The following ARHGAP15 variants were observed in gnomAD, a reference collection of about 807,000 sequenced individuals.
ARHGAP15 encodes the protein rho GTPase-activating protein 15.
In ARHGAP15, 51 loss-of-function variants were observed where a neutral mutation model predicts 63.7. That is an observed-to-expected ratio of 0.80 (90% CI 0.64 to 1.01). The LOEUF is 1.01. Ranked by LOEUF, ARHGAP15 falls within the 50% of genes least tolerant of loss-of-function variation. ARHGAP15 has a pLI of 0.00. For missense variants in ARHGAP15, 560 were observed against 564.6 expected (o/e 0.99, Z 0.08); for synonymous variants, 191 against 193.8 (o/e 0.99, Z 0.12).
chr2:143,745,365 C>T (rs888978447), intron 13 of ARHGAP15, among the ~76,000 whole-genome samples: 1 of 152,238 alleles, frequency 6.6e-6, no homozygotes, highest in African/African-American at 2.4e-5. Flanking sequence ...CAGCCACCAT[C>T]AGCCAGGTGA....
At chr2:143,711,433 A>G (rs530563482) in intron 13 of ARHGAP15, among the ~76,000 whole-genome samples, 2 of 152,354 alleles carry the variant, frequency 1.3e-5, no homozygotes, top group South Asian at 4.1e-4. Flanking sequence ...TTGGCAGACA[A>G]CAGACCTACT....
At chr2:143,305,419 C>G (rs948541058) in intron 6 of ARHGAP15, 1 of 152,000 alleles carries the variant, frequency 6.6e-6, no homozygotes, top group Non-Finnish European at 1.5e-5. Context: ...ACGTGTGTAG[C>G]TATGTAACAA....
At chr2:143,758,013 TCAC>T (rs1686638144) in intron 13 of ARHGAP15, among the ~76,000 whole-genome samples, 1 of 152,070 alleles carries the variant, frequency 6.6e-6, no homozygotes, top group South Asian at 2.1e-4. Flanking sequence ...TGCAAGGATT[TCAC>T]TGTAGCATTG....
chr2:143,492,665 G>A (rs761730354), intron 9 of ARHGAP15, among the ~76,000 whole-genome samples: 14 of 152,144 alleles, frequency 9.2e-5, no homozygotes, highest in Non-Finnish European at 1.8e-4. Flanking sequence ...AGGAGACTGA[G>A]ATGGAAGGAT....
At chr2:143,281,671 A>G (rs898511961) in intron 6 of ARHGAP15, among the ~76,000 whole-genome samples, 6 of 152,276 alleles carry the variant, frequency 3.9e-5, no homozygotes, top group African/African-American at 1.4e-4. Flanking sequence ...ATGATGTTTC[A>G]TTATGGTAAT....
intron 2 of ARHGAP15, among the ~76,000 whole-genome samples, chr2:143,167,674 C>CTTTTCCTCATCAAAAA (rs1251193704): frequency 1.3e-5 from 2 of 152,042 alleles, no homozygotes; most frequent in African/African-American, 2.4e-5. Flanking sequence ...GCTTCAGAGG[C>CTTTTCCTCATCAAAAA]CTGTTTCAGA....
chr2:143,170,183 C>T (rs6756152), intron 2 of ARHGAP15, among the ~76,000 whole-genome samples: 50,694 of 151,718 alleles, frequency 0.33, 8,656 homozygotes, highest in South Asian at 0.47. Context: ...TGATTGATTG[C>T]AGCTTCTGAT....
At chr2:143,227,674 A>G (rs1189996559) in intron 4 of ARHGAP15, among the ~76,000 whole-genome samples, 4 of 152,138 alleles carry the variant, frequency 2.6e-5, no homozygotes, top group Non-Finnish European at 5.9e-5. Flanking sequence ...TTCGCACATC[A>G]GTATTCTTCT....
chr2:143,631,610 T>TA (rs1699075384), intron 12 of ARHGAP15, among the ~76,000 whole-genome samples: 1 of 152,132 alleles, frequency 6.6e-6, no homozygotes, highest in Non-Finnish European at 1.5e-5. Context: ...GCCATTCCAT[T>TA]ATTTTCTGCA....
intron 6 of ARHGAP15, among the ~76,000 whole-genome samples, chr2:143,431,335 G>A (rs1229864179): frequency 6.6e-6 from 1 of 151,970 alleles, no homozygotes; most frequent in Non-Finnish European, 1.5e-5. Flanking sequence ...TGATAGAATG[G>A]CATTCTCATT....
intron 1 of ARHGAP15, among the ~76,000 whole-genome samples, chr2:143,153,837 T>TCC (rs1558779549): frequency 0.018 from 1,285 of 72,014 alleles, 79 homozygotes; most frequent in East Asian, 0.054. Context: ...CTTCTTCTTC[T>TCC]TCTTCTTCCT....
intron 9 of ARHGAP15, among the ~76,000 whole-genome samples, chr2:143,498,947 T>C (rs1436165178): frequency 6.6e-6 from 1 of 152,190 alleles, no homozygotes; most frequent in African/African-American, 2.4e-5. Flanking sequence ...AAGGCAGCCA[T>C]TTAAGACACT....
intron 4 of ARHGAP15, among the ~76,000 whole-genome samples, chr2:143,225,843 A>G (rs1693192146): frequency 6.6e-6 from 1 of 152,216 alleles, no homozygotes; most frequent in Admixed American, 6.5e-5. Context: ...TAGGTATTCT[A>G]AATAATTTAT....
At chr2:143,635,659 A>G (rs1225396981) in intron 12 of ARHGAP15, among the ~76,000 whole-genome samples, 1 of 152,114 alleles carries the variant, frequency 6.6e-6, no homozygotes, top group Non-Finnish European at 1.5e-5. Flanking sequence ...GAATATCCAC[A>G]CTGAGAATTG....
chr2:143,294,660 T>C (rs1051492730), intron 6 of ARHGAP15, among the ~76,000 whole-genome samples: 1 of 152,014 alleles, frequency 6.6e-6, no homozygotes, highest in Non-Finnish European at 1.5e-5. Flanking sequence ...TATTTCTTAC[T>C]AGGAAGTGTA....
At chr2:143,332,283 C>T (rs1022477587) in intron 6 of ARHGAP15, among the ~76,000 whole-genome samples, 4 of 151,822 alleles carry the variant, frequency 2.6e-5, no homozygotes, top group African/African-American at 9.7e-5. Context: ...CCACTAAAGG[C>T]AGCCTGAAAT....
At chr2:143,283,417 T>G (rs368827082) in intron 6 of ARHGAP15, among the ~76,000 whole-genome samples, 72 of 152,214 alleles carry the variant, frequency 4.7e-4, no homozygotes, top group African/African-American at 1.3e-3. Context: ...AGACAAAAAT[T>G]TAGTTTTGGA....
At chr2:143,396,570 T>G (rs1384364300) in intron 6 of ARHGAP15, among the ~76,000 whole-genome samples, 1 of 151,964 alleles carries the variant, frequency 6.6e-6, no homozygotes, top group Non-Finnish European at 1.5e-5. Flanking sequence ...GTGTGTGTTT[T>G]TTAAGTACGC....
At chr2:143,570,916 C>T (rs1453732152) in intron 11 of ARHGAP15, among the ~76,000 whole-genome samples, 1 of 152,128 alleles carries the variant, frequency 6.6e-6, no homozygotes, top group Non-Finnish European at 1.5e-5. Context: ...TTCCAGCCCC[C>T]CAGCCAGGGG....
Sources: allele counts gnomAD v4.1 joint callset (sites outside exome capture counted in the v4.1 genomes callset), GRCh38; gene constraint gnomAD v4.1.1; transcripts MANE v1.5; gene names NCBI Gene and HGNC (gene_info 2026-07-23, HGNC 2026-07-21).